The following SPOCK3 variants were observed in gnomAD, a reference collection of about 807,000 sequenced individuals.
SPOCK3 encodes the protein SPARC (osteonectin), cwcv and kazal like domains proteoglycan 3, also known as testican-3.
In SPOCK3, 30 loss-of-function variants were observed where a neutral mutation model predicts 56.6. The observed-to-expected ratio is 0.53, with a 90% CI of 0.40 to 0.72. The LOEUF (loss-of-function observed/expected upper bound fraction) is 0.72, where lower values mean the gene tolerates loss of function less well. Among genes scored for constraint, SPOCK3 ranks in the 30% least tolerant of loss-of-function variants. The probability of loss-of-function intolerance (pLI) is 0.00; values close to 1 mark genes in which losing one functional copy is unlikely to be tolerated. For missense variants in SPOCK3, 527 were observed against 530.0 expected, an observed-to-expected ratio of 0.99 and a Z score of 0.06; for synonymous variants, 196 against 183.3, an observed-to-expected ratio of 1.07 and a Z score of -0.56.
intron 3 of SPOCK3, 110 bp downstream of exon 3, chr4:167,062,382 G>T (rs1165701585): frequency 4.3e-6 from 3 of 704,298 alleles, no homozygotes; most frequent in African/African-American, 1.8e-5. Flanking sequence ...ATTCATGTAA[G>T]CTCTTCTATT....
chr4:167,119,868 C>T (rs767162234), intron 2 of SPOCK3: 2 of 1,523,030 alleles, frequency 1.3e-6, no homozygotes, highest in South Asian at 1.2e-5. Context: ...AATCGTTTTT[C>T]TTCTTACTAA....
intron 2 of SPOCK3, among the ~76,000 whole-genome samples, chr4:167,150,012 GA>G (rs1422406209): frequency 1.3e-5 from 2 of 152,152 alleles, no homozygotes; most frequent in Admixed American, 6.5e-5. Flanking sequence ...TGATTTGGGG[GA>G]AAGCATCTGA....
intron 2 of SPOCK3, among the ~76,000 whole-genome samples, chr4:167,205,480 AT>A (rs1734136881): frequency 1.9e-5 from 1 of 51,668 alleles, no homozygotes; most frequent in Non-Finnish European, 3.2e-5. Context: ...TATTTTATAT[AT>A]AATATATAAT....
At chr4:167,110,415 C>T (rs553079430) in intron 2 of SPOCK3, among the ~76,000 whole-genome samples, 2 of 152,062 alleles carry the variant, frequency 1.3e-5, no homozygotes, top group South Asian at 2.1e-4. Flanking sequence ...AATGTCTTTA[C>T]GTTTTTTAAG....
At chr4:167,101,722 T>A in intron 2 of SPOCK3, among the ~76,000 whole-genome samples, 1 of 149,074 alleles carries the variant, frequency 6.7e-6, no homozygotes, top group South Asian at 2.2e-4. Flanking sequence ...TCTTTTTTTT[T>A]TTTTTTTTTT....
At chr4:166,777,964 C>T (rs546469587) in intron 7 of SPOCK3, among the ~76,000 whole-genome samples, 42 of 152,214 alleles carry the variant, frequency 2.8e-4, no homozygotes, top group Admixed American at 2.1e-3. Context: ...TAATAGATTA[C>T]AAATTCCAGG....
chr4:166,804,557 T>G (rs1187792972), intron 6 of SPOCK3, among the ~76,000 whole-genome samples: 2 of 152,162 alleles, frequency 1.3e-5, no homozygotes, highest in African/African-American at 4.8e-5. Context: ...AAACTTGCAT[T>G]GTGAACATTA....
At chr4:166,924,194 A>G (rs971053904) in intron 4 of SPOCK3, among the ~76,000 whole-genome samples, 2 of 152,164 alleles carry the variant, frequency 1.3e-5, no homozygotes, top group Non-Finnish European at 2.9e-5. Flanking sequence ...ATTTTATGCC[A>G]TAATATAAAG....
intron 3 of SPOCK3, among the ~76,000 whole-genome samples, chr4:167,045,579 T>C (rs1753639360): frequency 6.6e-6 from 1 of 152,132 alleles, no homozygotes; most frequent in South Asian, 2.1e-4. Context: ...TTTCTACTAC[T>C]TAAATTATAC....
intron 6 of SPOCK3, among the ~76,000 whole-genome samples, chr4:166,803,289 A>G (rs146639879): frequency 6.6e-6 from 1 of 152,322 alleles, no homozygotes; most frequent in East Asian, 1.9e-4. Flanking sequence ...TGAAACTTTG[A>G]TTCATAAATA....
intron 4 of SPOCK3, among the ~76,000 whole-genome samples, chr4:166,927,809 G>A (rs1739289450): frequency 6.6e-6 from 1 of 151,946 alleles, no homozygotes; most frequent in East Asian, 1.9e-4. Context: ...GAGACTGGGG[G>A]AAAATATTTG....
intron 5 of SPOCK3, among the ~76,000 whole-genome samples, chr4:166,899,242 A>ATC (rs1044294180): frequency 6.0e-5 from 7 of 117,252 alleles, no homozygotes; most frequent in Admixed American, 3.6e-4. Flanking sequence ...AAATCTCCTC[A>ATC]TATCTATCTA....
At chr4:167,104,693 A>G (rs1759942963) in intron 2 of SPOCK3, among the ~76,000 whole-genome samples, 1 of 152,108 alleles carries the variant, frequency 6.6e-6, no homozygotes, top group African/African-American at 2.4e-5. Flanking sequence ...ATAACGGAGA[A>G]AATTCCCAAA....
chr4:167,109,824 A>G (rs944294848), intron 2 of SPOCK3, among the ~76,000 whole-genome samples: 5 of 151,788 alleles, frequency 3.3e-5, no homozygotes, highest in Admixed American at 1.3e-4. Context: ...ATTCAGAAAA[A>G]AGAAAATAAA....
intron 7 of SPOCK3, among the ~76,000 whole-genome samples, chr4:166,755,730 G>T (rs60230975): frequency 0.25 from 38,322 of 151,780 alleles, 5,705 homozygotes; most frequent in African/African-American, 0.41. Flanking sequence ...TTGAAGAGTA[G>T]TTTAAACATT....
At chr4:166,752,006 C>G (rs1736431287) in intron 8 of SPOCK3, among the ~76,000 whole-genome samples, 1 of 151,990 alleles carries the variant, frequency 6.6e-6, no homozygotes, top group Non-Finnish European at 1.5e-5. Flanking sequence ...AAATATTTCA[C>G]TTGCTTGAAA....
intron 6 of SPOCK3, among the ~76,000 whole-genome samples, chr4:166,881,505 T>C (rs1012235079): frequency 6.6e-6 from 1 of 152,084 alleles, no homozygotes; most frequent in Non-Finnish European, 1.5e-5. Flanking sequence ...TAATTCAATA[T>C]GGCTTCATGA....
chr4:166,897,274 T>C (rs2127038208), intron 5 of SPOCK3, among the ~76,000 whole-genome samples: 1 of 152,242 alleles, frequency 6.6e-6, no homozygotes, highest in South Asian at 2.1e-4. Flanking sequence ...AAGTACCCGA[T>C]GTATTGCTGT....
intron 2 of SPOCK3, among the ~76,000 whole-genome samples, chr4:167,217,435 G>A (rs1580659595): frequency 6.6e-6 from 1 of 151,728 alleles, no homozygotes. Context: ...TATTGTATAA[G>A]GTATTATAAG....
Sources: allele counts gnomAD v4.1 joint callset (sites outside exome capture counted in the v4.1 genomes callset), GRCh38; gene constraint gnomAD v4.1.1; transcripts MANE v1.5; gene names NCBI Gene and HGNC (gene_info 2026-07-23, HGNC 2026-07-21).